The following KCNMB2 variants were observed in gnomAD, a reference collection of about 807,000 sequenced individuals.
The protein encoded by KCNMB2 is potassium calcium-activated channel subfamily M regulatory beta subunit 2, also known as calcium-activated potassium channel subunit beta-2.
A neutral mutation model predicts 24.5 loss-of-function variants in KCNMB2; 9 were observed. The observed-to-expected ratio is 0.37, with a 90% CI of 0.22 to 0.64. The LOEUF (loss-of-function observed/expected upper bound fraction) is 0.64, where lower values mean the gene tolerates loss of function less well. Ranked by LOEUF, KCNMB2 falls within the 30% of genes least tolerant of loss-of-function variation. The pLI, the probability that KCNMB2 is intolerant of heterozygous loss-of-function variation, is 0.63. For missense variants in KCNMB2, 226 were observed against 284.3 expected, an observed-to-expected ratio of 0.79 and a Z score of 1.47; for synonymous variants, 109 against 104.4, an observed-to-expected ratio of 1.04 and a Z score of -0.27.
intron 1 of KCNMB2, among the ~76,000 whole-genome samples, chr3:178,537,051 G>A (rs969163089): frequency 9.2e-5 from 14 of 152,138 alleles, no homozygotes; most frequent in Admixed American, 3.3e-4. Flanking sequence ...AGGGTCGAGT[G>A]AAGACTTTGG....
intron 1 of KCNMB2, among the ~76,000 whole-genome samples, chr3:178,705,641 TG>T (rs1277300982): frequency 6.6e-6 from 1 of 152,184 alleles, no homozygotes; most frequent in Non-Finnish European, 1.5e-5. Flanking sequence ...GTTTGCACTT[TG>T]GGAAAAACTT....
intron 1 of KCNMB2, among the ~76,000 whole-genome samples, chr3:178,664,072 C>T (rs1484739664): frequency 6.6e-6 from 1 of 152,096 alleles, no homozygotes; most frequent in African/African-American, 2.4e-5. Flanking sequence ...TTAGACTTGG[C>T]ATTTTTCCGT....
At chr3:178,697,849 C>T (rs1721938352) in intron 1 of KCNMB2, among the ~76,000 whole-genome samples, 1 of 152,058 alleles carries the variant, frequency 6.6e-6, no homozygotes, top group Admixed American at 6.6e-5. Flanking sequence ...CTTATTTCTC[C>T]TTCTCTTATG....
chr3:178,722,168 T>C (rs1175504111), intron 1 of KCNMB2, among the ~76,000 whole-genome samples: 38 of 152,196 alleles, frequency 2.5e-4, no homozygotes, highest in Non-Finnish European at 4.4e-5. Flanking sequence ...TTTGATGTTA[T>C]AGCTTTTACC....
intron 1 of KCNMB2, among the ~76,000 whole-genome samples, chr3:178,757,441 GAT>G (rs541744605): frequency 4.9e-5 from 2 of 40,570 alleles, no homozygotes; most frequent in Non-Finnish European, 8.6e-5. Context: ...TATCCAAGAG[GAT>G]ATATATATAT....
At chr3:178,662,220 C>T (rs1201314352) in intron 1 of KCNMB2, among the ~76,000 whole-genome samples, 1 of 152,098 alleles carries the variant, frequency 6.6e-6, no homozygotes, top group African/African-American at 2.4e-5. Context: ...AAGTAGAATA[C>T]CCTTTGCTAA....
intron 1 of KCNMB2, among the ~76,000 whole-genome samples, chr3:178,756,552 T>C (rs912838203): frequency 9.2e-5 from 14 of 152,128 alleles, no homozygotes; most frequent in Non-Finnish European, 1.8e-4. Flanking sequence ...GAGTTTAAAT[T>C]TTTCCTGAAC....
Position 178,842,703 on chromosome 3 carries a change from G to T in KCNMB2, c.474G>T (p.Leu158=). The change falls in exon 5 of 5, where the codon CTG becomes CTT. Residue 158 remains leucine (L), a synonymous_variant. Coordinates refer to ENST00000452583, the MANE Select transcript of KCNMB2 (RefSeq NM_181361.3). ...CGKNFEESMS[L]VNVVMENFRK... ...AAAATTTTGAAGAATCCATGTCCCT[G>T]GTGAATGTTGTCATGGAAAACTTCA... 6.2e-7 allele frequency: 1 copy of T among 1,612,834 alleles called. No homozygotes were observed. Among genetic ancestry groups the T allele is most frequent in the African/African-American group, 1.3e-5 (1 of 74,964 alleles).
intron 1 of KCNMB2, among the ~76,000 whole-genome samples, chr3:178,724,804 T>C (rs1722913739): frequency 6.6e-6 from 1 of 152,012 alleles, no homozygotes; most frequent in African/African-American, 2.4e-5. Context: ...TCAAATACCA[T>C]TTTGTTGTGG....
chr3:178,570,669 A>T, intron 1 of KCNMB2, among the ~76,000 whole-genome samples: 1 of 152,026 alleles, frequency 6.6e-6, no homozygotes. Flanking sequence ...TTGATTCTGG[A>T]GCAAAGAACA....
intron 1 of KCNMB2, among the ~76,000 whole-genome samples, chr3:178,665,384 CT>C (rs1456006711): frequency 3.3e-5 from 5 of 152,164 alleles, no homozygotes; most frequent in East Asian, 1.9e-4. Flanking sequence ...AAATGATAAA[CT>C]TTTTAAAAAT....
chr3:178,834,659 G>A (rs1184632169), intron 4 of KCNMB2, among the ~76,000 whole-genome samples: 1 of 152,122 alleles, frequency 6.6e-6, no homozygotes, highest in African/African-American at 2.4e-5. Context: ...AAAAAGTGGG[G>A]GCGTGGAGGA....
chr3:178,664,742 G>T (rs1720657396), intron 1 of KCNMB2, among the ~76,000 whole-genome samples: 1 of 151,934 alleles, frequency 6.6e-6, no homozygotes. Context: ...AAGGAGGGAG[G>T]AAGGGAAAAA....
At chr3:178,840,367 T>C (rs561757528) in intron 4 of KCNMB2, among the ~76,000 whole-genome samples, 1 of 152,314 alleles carries the variant, frequency 6.6e-6, no homozygotes, top group East Asian at 1.9e-4. Context: ...GTGCAAGCTG[T>C]CGGTGGATCT....
chr3:178,641,569 T>C (rs970022494), intron 1 of KCNMB2, among the ~76,000 whole-genome samples: 2 of 152,184 alleles, frequency 1.3e-5, no homozygotes, highest in African/African-American at 4.8e-5. Flanking sequence ...GGAGGGTTTC[T>C]TGTTGATTCT....
At chr3:178,696,122 G>T (rs1446156546) in intron 1 of KCNMB2, among the ~76,000 whole-genome samples, 1 of 152,190 alleles carries the variant, frequency 6.6e-6, no homozygotes, top group African/African-American at 2.4e-5. Context: ...CAGCAGGAAG[G>T]AGAAGAATGA....
chr3:178,588,793 T>C (rs149606832), intron 1 of KCNMB2, among the ~76,000 whole-genome samples: 5 of 152,168 alleles, frequency 3.3e-5, no homozygotes, highest in African/African-American at 1.2e-4. Flanking sequence ...TTACAAAACC[T>C]TGGGCAATTA....
At chr3:178,622,619 C>T (rs1300215277) in intron 1 of KCNMB2, among the ~76,000 whole-genome samples, 1 of 152,216 alleles carries the variant, frequency 6.6e-6, no homozygotes, top group Admixed American at 6.5e-5. Context: ...TCACCATTCA[C>T]AGTGCCCTCT....
At chr3:178,670,461 T>G (rs1720863636) in intron 1 of KCNMB2, among the ~76,000 whole-genome samples, 1 of 152,180 alleles carries the variant, frequency 6.6e-6, no homozygotes, top group African/African-American at 2.4e-5. Context: ...TAATTAACAC[T>G]TCTAGTGTTA....
Sources: allele counts gnomAD v4.1 joint callset (sites outside exome capture counted in the v4.1 genomes callset), GRCh38; gene constraint gnomAD v4.1.1; transcripts MANE v1.5; gene names NCBI Gene and HGNC (gene_info 2026-07-23, HGNC 2026-07-21).